RGS9: variants seen among roughly 807,000 people sequenced by gnomAD.
RGS9 encodes the protein regulator of G-protein signalling 9.
In RGS9, 78 loss-of-function variants were observed where a neutral mutation model predicts 102.0. The observed-to-expected ratio is 0.76, with a 90% CI of 0.64 to 0.92. RGS9 has a LOEUF of 0.92. RGS9 is among the 40% of genes least tolerant of loss of function. RGS9 has a pLI of 0.00. For missense variants in RGS9, 833 were observed against 866.1 expected, an observed-to-expected ratio of 0.96 and a Z score of 0.48; for synonymous variants, 353 against 318.6, an observed-to-expected ratio of 1.11 and a Z score of -1.15.
intron 1 of RGS9, among the ~76,000 whole-genome samples, chr17:65,138,989 T>TA (rs1910027328): frequency 1.0e-5 from 1 of 96,874 alleles, no homozygotes. Flanking sequence ...CATCCCCTCC[T>TA]CCACCCCAGC....
intron 1 of RGS9, among the ~76,000 whole-genome samples, chr17:65,152,011 A>C (rs1197737821): frequency 6.6e-6 from 1 of 152,214 alleles, no homozygotes; most frequent in East Asian, 1.9e-4. Flanking sequence ...TGCACCACCG[A>C]CAATGTATTA....
At chr17:65,162,886 A>G in intron 6 of RGS9, 127 bp from the exon 7 acceptor site, 3 of 686,250 alleles carry the variant, frequency 4.4e-6, no homozygotes, top group African/African-American at 1.8e-5. Context: ...CAGCTTAGAT[A>G]CCATCGGGCT....
At chr17:65,163,261 G>A (rs538006510) in intron 7 of RGS9, among the ~76,000 whole-genome samples, 172 bp downstream of exon 7, 6 of 148,148 alleles carry the variant, frequency 4.1e-5, no homozygotes, top group African/African-American at 1.2e-4. Context: ...TGCAACCTCC[G>A]CCTCCTGGGT....
intron 12 of RGS9, 37 bp downstream of exon 12, chr17:65,193,693 G>A (rs779978318): frequency 2.3e-5 from 30 of 1,297,768 alleles, no homozygotes; most frequent in Admixed American, 6.7e-5. Flanking sequence ...TTAAAAAACC[G>A]TTTTTGAGTT....
At position 65,225,140 on chromosome 17, in the gene RGS9, C is replaced by A. The variant is rs200896958; in HGVS notation, c.1546C>A (p.Arg516=). The change falls in exon 18 of 19, where the codon CGA becomes AGA. Residue 516 remains arginine, a synonymous_variant. Coordinates refer to ENST00000262406, the MANE Select transcript of RGS9 (RefSeq NM_003835.4). ...PFASPSRFIR[R]PSTTICPSPI... Reference sequence around the variant, plus strand: ...CGCCTCACCCAGCCGCTTCATCCGGCGACCCAGCACCACCATCTGCCCCTC... The same window carrying A: ...CGCCTCACCCAGCCGCTTCATCCGGAGACCCAGCACCACCATCTGCCCCTC... 4 of 1,613,724 alleles carry A rather than the reference C, an allele frequency of 2.5e-6. No individual in the cohort carries two copies. The highest frequency in any genetic ancestry group is 2.7e-5 in the African/African-American group (2 of 75,060).
chr17:65,220,022 C>T (rs539336177), intron 17 of RGS9, among the ~76,000 whole-genome samples: 9 of 151,674 alleles, frequency 5.9e-5, no homozygotes. Context: ...AACATCACCA[C>T]CACTACCATC....
At chr17:65,197,813 G>A (rs568008960) in intron 13 of RGS9, among the ~76,000 whole-genome samples, 2 of 152,028 alleles carry the variant, frequency 1.3e-5, no homozygotes, top group South Asian at 2.1e-4. Context: ...GGCGTTACAG[G>A]TGCCTGTCAC....
chr17:65,193,257 AAAAAAAAAAAAAAG>A (rs1912448341), intron 11 of RGS9, among the ~76,000 whole-genome samples: 1 of 150,278 alleles, frequency 6.7e-6, no homozygotes, highest in African/African-American at 2.4e-5. Context: ...GCTGTCTCAA[AAAAAAAAAAAAAAG>A]AAAAAAAAGA....
intron 11 of RGS9, 73 bp downstream of exon 11, chr17:65,190,309 G>T (rs1040792984): frequency 1.1e-5 from 13 of 1,178,050 alleles, no homozygotes; most frequent in Admixed American, 1.0e-4. Context: ...CTGCAAACTC[G>T]ACAAGTCCTG....
chr17:65,226,186 G>C (rs1158024295), intron 18 of RGS9, among the ~76,000 whole-genome samples: 3 of 152,336 alleles, frequency 2.0e-5, no homozygotes, highest in African/African-American at 4.8e-5. Flanking sequence ...CTGGATCAGA[G>C]CAGAAAGAAA....
At chr17:65,184,041 T>G (rs1474445598) in intron 9 of RGS9, among the ~76,000 whole-genome samples, 1 of 152,104 alleles carries the variant, frequency 6.6e-6, no homozygotes, top group Non-Finnish European at 1.5e-5. Context: ...AGTGTGTCGC[T>G]GAGATGAGGC....
intron 1 of RGS9, among the ~76,000 whole-genome samples, chr17:65,147,969 A>G (rs1910435375): frequency 6.6e-6 from 1 of 152,160 alleles, no homozygotes; most frequent in African/African-American, 2.4e-5. Context: ...TAAGTGCACA[A>G]TACAATATTG....
At chr17:65,147,439 T>C (rs1228740810) in intron 1 of RGS9, among the ~76,000 whole-genome samples, 1 of 152,116 alleles carries the variant, frequency 6.6e-6, no homozygotes, top group African/African-American at 2.4e-5. Flanking sequence ...AGTTAGGTCA[T>C]GGTCCCACGC....
chr17:65,194,207 G>A (rs144567709), intron 12 of RGS9, among the ~76,000 whole-genome samples: 8 of 152,308 alleles, frequency 5.3e-5, no homozygotes, highest in African/African-American at 9.6e-5. Flanking sequence ...CAAGGTTTAC[G>A]AATCTTGTAG....
At chr17:65,144,481 C>T (rs1207208552) in intron 1 of RGS9, among the ~76,000 whole-genome samples, 1 of 152,212 alleles carries the variant, frequency 6.6e-6, no homozygotes, top group Admixed American at 6.5e-5. Context: ...GCAGCTGACA[C>T]CCTGACCCCC....
chr17:65,205,602 G>T (rs920356372), intron 15 of RGS9, among the ~76,000 whole-genome samples: 3 of 151,492 alleles, frequency 2.0e-5, no homozygotes, highest in Non-Finnish European at 4.4e-5. Flanking sequence ...ACATGATGTA[G>T]GTTATATGAT....
At chr17:65,185,604 G>A (rs1912079723) in intron 9 of RGS9, 2 of 152,312 alleles carry the variant, frequency 1.3e-5, no homozygotes, top group South Asian at 4.1e-4. Context: ...CAAGGTAGAG[G>A]TGGGAAAGTC....
chr17:65,209,399 G>T lies in RGS9; in HGVS notation c.1290-1089G>T, dbSNP rs75542204. On this transcript the variant is annotated intron_variant, in intron 16 of 18. Coordinates refer to ENST00000262406, the MANE Select transcript of RGS9 (RefSeq NM_003835.4). ...TTAAGATAGATATAAGAGTTCAAGG[G>T]GCTTATGTAGTCAAGGGGCTTATGT... 9.6e-3 allele frequency among the ~76,000 whole-genome samples: 1,458 copies of T among 152,188 alleles called. 29 individuals carry two copies. The highest frequency in any genetic ancestry group is 0.033 in the African/African-American group (1,387 of 41,534).
chr17:65,204,058 C>T (rs1598613547), intron 14 of RGS9, 105 bp from the exon 15 acceptor site: 1 of 1,384,298 alleles, frequency 7.2e-7, no homozygotes, highest in Non-Finnish European at 1.0e-6. Context: ...CCACCCTCAC[C>T]CTCGGTAACC....
Sources: allele counts gnomAD v4.1 joint callset (sites outside exome capture counted in the v4.1 genomes callset), GRCh38; gene constraint gnomAD v4.1.1; transcripts MANE v1.5; gene names NCBI Gene and HGNC (gene_info 2026-07-23, HGNC 2026-07-21).